Variants in EFTUD2 observed in about 807,000 individuals in gnomAD.
EFTUD2 encodes elongation factor Tu GTP binding domain containing 2.
A neutral mutation model predicts 114.3 loss-of-function variants in EFTUD2; 9 were observed. The observed-to-expected ratio is 0.08, with a 90% CI of 0.05 to 0.14. EFTUD2 has a LOEUF of 0.14. EFTUD2 is among the 10% of genes least tolerant of loss of function. The pLI is 1.00. For synonymous variants in EFTUD2, 449 were observed against 462.3 expected, an observed-to-expected ratio of 0.97 and a Z score of 0.37; for missense variants, 765 against 1,241.2, an observed-to-expected ratio of 0.62 and a Z score of 5.76.
intron 14 of EFTUD2, among the ~76,000 whole-genome samples, chr17:44,864,288 G>A (rs2050707014): frequency 6.6e-6 from 1 of 152,198 alleles, no homozygotes; most frequent in Non-Finnish European, 1.5e-5. Flanking sequence ...GTGTCAGATT[G>A]ATGGGCAGAC....
chr17:44,864,571 G>A (rs1038276441), intron 14 of EFTUD2, among the ~76,000 whole-genome samples: 1 of 152,082 alleles, frequency 6.6e-6, no homozygotes, highest in Non-Finnish European at 1.5e-5. Context: ...AACTAACCAA[G>A]TCTCCCAAGT....
At chr17:44,867,607 C>T (rs2050772449) in intron 13 of EFTUD2, among the ~76,000 whole-genome samples, 200 bp downstream of exon 13, 1 of 152,018 alleles carries the variant, frequency 6.6e-6, no homozygotes, top group South Asian at 2.1e-4. Context: ...GGCCCCTTTC[C>T]TTTGATTTTA....
intron 11 of EFTUD2, among the ~76,000 whole-genome samples, chr17:44,872,219 T>C (rs1464530636): frequency 1.3e-5 from 2 of 152,176 alleles, no homozygotes; most frequent in African/African-American, 2.4e-5. Flanking sequence ...ATGACCTCCT[T>C]CTTCTCCCAT....
chr17:44,862,270 A>G (rs902061285), intron 16 of EFTUD2, among the ~76,000 whole-genome samples: 1 of 152,076 alleles, frequency 6.6e-6, no homozygotes, highest in Non-Finnish European at 1.5e-5. Context: ...CATTGTCTCT[A>G]CAAAAAATTT....
At chr17:44,881,537 G>C in intron 7 of EFTUD2, 150 bp downstream of exon 7, 1 of 839,218 alleles carries the variant, frequency 1.2e-6, no homozygotes, top group Non-Finnish European at 1.9e-6. Context: ...GGAGTAACTG[G>C]GGGAAGAAGG....
chr17:44,870,468 GA>G (rs1395241851), intron 11 of EFTUD2, among the ~76,000 whole-genome samples: 1 of 152,106 alleles, frequency 6.6e-6, no homozygotes, highest in East Asian at 1.9e-4. Flanking sequence ...GAAAAACACA[GA>G]TTACATATGT....
chr17:44,858,160 A>T (rs1205906088), intron 19 of EFTUD2, among the ~76,000 whole-genome samples: 1 of 152,082 alleles, frequency 6.6e-6, no homozygotes, highest in Non-Finnish European at 1.5e-5. Context: ...GACCTCAAGC[A>T]ATCCAACCGC....
chr17:44,859,440 TCTACCCTATAC>T, intron 18 of EFTUD2: 5 of 559,614 alleles, frequency 8.9e-6, no homozygotes, highest in Non-Finnish European at 1.6e-5. Context: ...TAGGTCAAAC[TCTACCCTATAC>T]CCATGGACAT....
In EFTUD2 at chr17:44,874,528, A is replaced by ATGGAGAGGCATTCTTTCAGT. The variant is rs1269295861; in HGVS notation, c.869+1386_869+1405dup. ...CACAGGTTCCATCCCCAATCCTTAA[A>ATGGAGAGGCATTCTTTCAGT]TGGAGAGGCATTCTTTCAGTTGGAG... On this transcript the variant is annotated intron_variant, in intron 10 of 27. Coordinates refer to ENST00000426333, the MANE Select transcript of EFTUD2 (RefSeq NM_004247.4). 3.9e-4 allele frequency among the ~76,000 whole-genome samples: 59 copies of ATGGAGAGGCATTCTTTCAGT among 152,236 alleles called. 1 individual carries two copies. The highest frequency in any genetic ancestry group is 1.1e-3 in the African/African-American group (46 of 41,552).
intron 9 of EFTUD2, among the ~76,000 whole-genome samples, chr17:44,878,792 GTT>G (rs1212274548): frequency 6.6e-6 from 1 of 152,096 alleles, no homozygotes; most frequent in Non-Finnish European, 1.5e-5. Context: ...TGAAAAGTCA[GTT>G]TAAAAAAAGA....
chr17:44,866,048 G>GAT (rs1176003186), intron 13 of EFTUD2, among the ~76,000 whole-genome samples: 2 of 152,168 alleles, frequency 1.3e-5, no homozygotes, highest in Non-Finnish European at 2.9e-5. Flanking sequence ...GATCTCAAGC[G>GAT]ATCTGCCCAC....
At chr17:44,875,899 C>G in intron 10 of EFTUD2, 35 bp downstream of exon 10, 1 of 1,603,556 alleles carries the variant, frequency 6.2e-7, no homozygotes, top group African/African-American at 1.3e-5. Context: ...CCAGAGCCTC[C>G]GAGGACAGGA....
intron 16 of EFTUD2, 96 bp from the exon 17 acceptor site, chr17:44,860,639 AC>A: frequency 1.3e-6 from 1 of 755,538 alleles, no homozygotes; most frequent in Non-Finnish European, 2.1e-6. Context: ...TCACTTTGTT[AC>A]CAGGCTGGAG....
chr17:44,883,431 T>C (rs2145547374), intron 5 of EFTUD2: 3 of 611,428 alleles, frequency 4.9e-6, no homozygotes, highest in East Asian at 2.7e-5. Flanking sequence ...GATGTAGACA[T>C]AAGGCTCAGG....
chr17:44,853,346 C>G lies in EFTUD2; in HGVS notation c.2511G>C (p.Gln837His). ...LMEPYYFVEVQAPADCVSAVY... is the reference protein window; with the variant it reads ...LMEPYYFVEVHAPADCVSAVY... ...CTGCAGAGACGCAATCTGCAGGGGC[C>G]TGGACCTCTACAAAGTAGTAAGGCT... is the stretch of plus-strand genomic sequence containing the variant. The change falls in exon 25 of 28, where the codon CAG becomes CAC. Residue 837 changes from glutamine to histidine, a missense_variant. By Grantham distance (24) the Gln-to-His change is conservative. This residue lies in a region of EFTUD2 where 166 missense variants were observed against 401.5 expected (regional missense o/e 0.41). Transcript: ENST00000426333. 6.2e-7 allele frequency: 1 copy of G among 1,614,140 alleles called. No individual in the cohort carries two copies. Among genetic ancestry groups the G allele is most frequent in the Non-Finnish European group, 8.5e-7 (1 of 1,179,984 alleles).
chr17:44,891,664 T>C (rs537721570), intron 2 of EFTUD2, among the ~76,000 whole-genome samples: 2 of 152,184 alleles, frequency 1.3e-5, no homozygotes, highest in Middle Eastern at 3.2e-3. Flanking sequence ...TTATTCTTTA[T>C]TTTAAAAATT....
At chr17:44,853,892 C>A in intron 23 of EFTUD2, 1 of 1,380,526 alleles carries the variant, frequency 7.2e-7, no homozygotes, top group South Asian at 1.8e-5. Flanking sequence ...TTTCCTTCTT[C>A]TGCACATATT....
chr17:44,890,346 C>T (rs1422273297), intron 2 of EFTUD2, among the ~76,000 whole-genome samples: 1 of 151,400 alleles, frequency 6.6e-6, no homozygotes, highest in Non-Finnish European at 1.5e-5. Flanking sequence ...TCTTTCCTGT[C>T]CCCATTACCA....
At chr17:44,888,626 T>A (rs187617177) in intron 2 of EFTUD2, among the ~76,000 whole-genome samples, 1 of 152,296 alleles carries the variant, frequency 6.6e-6, no homozygotes, top group East Asian at 1.9e-4. Flanking sequence ...GAATTCTGGA[T>A]ACATTACAAA....
Sources: allele counts gnomAD v4.1 joint callset (sites outside exome capture counted in the v4.1 genomes callset), GRCh38; gene constraint gnomAD v4.1.1; regional missense constraint gnomAD v4.1.1; transcripts MANE v1.5; gene names NCBI Gene and HGNC (gene_info 2026-07-23, HGNC 2026-07-21).